The following NARS2 variants were observed in gnomAD, a reference collection of about 807,000 sequenced individuals.
NARS2 encodes asparaginyl-tRNA synthetase.
In NARS2, 60 loss-of-function variants were observed where a neutral mutation model predicts 62.9. That is an observed-to-expected ratio of 0.95 (90% CI 0.77 to 1.18). The LOEUF is 1.18. Among genes scored for constraint, NARS2 ranks in the 50% most tolerant of loss-of-function variants. The probability of loss-of-function intolerance (pLI) is 0.00; values close to 1 mark genes in which losing one functional copy is unlikely to be tolerated. For synonymous variants in NARS2, 196 were observed against 200.0 expected (o/e 0.98, Z 0.17); for missense variants, 619 against 576.4 (o/e 1.07, Z -0.76).
At chr11:78,473,674 T>C (rs1565221666) in intron 9 of NARS2, among the ~76,000 whole-genome samples, 1 of 152,260 alleles carries the variant, frequency 6.6e-6, no homozygotes, top group Non-Finnish European at 1.5e-5. Context: ...AAATTCTCAA[T>C]GAAGACTATT....
At chr11:78,522,272 T>C (rs1394125767) in intron 6 of NARS2, among the ~76,000 whole-genome samples, 4 of 152,138 alleles carry the variant, frequency 2.6e-5, no homozygotes, top group Non-Finnish European at 5.9e-5. Flanking sequence ...ATCTACTCTC[T>C]AATGATGATG....
intron 9 of NARS2, among the ~76,000 whole-genome samples, chr11:78,471,165 A>G (rs899647208): frequency 6.6e-6 from 1 of 152,196 alleles, no homozygotes; most frequent in Non-Finnish European, 1.5e-5. Flanking sequence ...TGGTGTTGGT[A>G]GTAGCAGTAA....
intron 2 of NARS2, among the ~76,000 whole-genome samples, chr11:78,570,216 A>G (rs904577499): frequency 7.9e-5 from 12 of 152,184 alleles, no homozygotes; most frequent in Non-Finnish European, 1.0e-4. Context: ...CTATTACATC[A>G]GAACAATTTT....
At chr11:78,542,362 C>T (rs1359515928) in intron 5 of NARS2, among the ~76,000 whole-genome samples, 3 of 152,162 alleles carry the variant, frequency 2.0e-5, no homozygotes, top group South Asian at 2.1e-4. Flanking sequence ...AGGAGATAAA[C>T]ACAAATGTAA....
chr11:78,510,679 G>A (rs1860688502), intron 6 of NARS2, among the ~76,000 whole-genome samples: 1 of 152,028 alleles, frequency 6.6e-6, no homozygotes. Context: ...AACTAAAACT[G>A]AATATATATT....
At chr11:78,495,541 A>C (rs1394662435) in intron 6 of NARS2, among the ~76,000 whole-genome samples, 1 of 152,178 alleles carries the variant, frequency 6.6e-6, no homozygotes. Flanking sequence ...CAGAACAGGA[A>C]TCATGTTTTA....
At chr11:78,505,623 T>A (rs1364441282) in intron 6 of NARS2, among the ~76,000 whole-genome samples, 1 of 152,156 alleles carries the variant, frequency 6.6e-6, no homozygotes, top group African/African-American at 2.4e-5. Flanking sequence ...CTACCTGAAG[T>A]CATATTGATT....
intron 5 of NARS2, among the ~76,000 whole-genome samples, chr11:78,534,034 G>T (rs749953535): frequency 4.6e-5 from 7 of 152,092 alleles, no homozygotes; most frequent in Non-Finnish European, 7.3e-5. Flanking sequence ...AACAGATACA[G>T]TTTATTTCTC....
At chr11:78,437,482 C>T (rs1365367847) in intron 13 of NARS2, among the ~76,000 whole-genome samples, 1 of 152,190 alleles carries the variant, frequency 6.6e-6, no homozygotes, top group Non-Finnish European at 1.5e-5. Context: ...ACATGCTAGA[C>T]AGCCTCTGAA....
rs1055223605 is a variant in NARS2 at position 78,436,599 on chromosome 11, A to G, written c.*71T>C. ...CTGCATTTCTAAAATCCAAACATGCATTCTGCTGTATGCACAATCATGTGC... is the reference window on the plus strand; with the variant it reads ...CTGCATTTCTAAAATCCAAACATGCGTTCTGCTGTATGCACAATCATGTGC... On this transcript the variant is annotated 3_prime_UTR_variant, in exon 14 of 14. Transcript: ENST00000281038. The G allele has an allele frequency of 3.2e-5, 48 of 1,485,156 alleles. No homozygotes were observed. The highest frequency in any genetic ancestry group is 3.5e-4 in the Middle Eastern group (2 of 5,648). 92.0% of individuals were successfully genotyped at this position (1,485,156 alleles called of 1,614,324 possible). A position where few individuals can be genotyped will look rare whatever the true frequency, so the allele number is the denominator to read the frequency against.
chr11:78,552,458 G>A (rs947175092), intron 5 of NARS2, among the ~76,000 whole-genome samples: 2 of 152,130 alleles, frequency 1.3e-5, no homozygotes, highest in African/African-American at 2.4e-5. Context: ...GAACATTCAC[G>A]TGCATGTGTC....
rs11437113 is a variant in NARS2, at chr11:78,494,469, C to CTTTT, written c.690-1278_690-1275dup. Among the ~76,000 whole-genome samples, 3 of 133,212 alleles carry CTTTT rather than the reference C, an allele frequency of 2.3e-5. No individual in the cohort carries two copies. The Admixed American group carries it at 2.3e-4, about 10-fold the overall frequency. 87.4% of individuals were successfully genotyped at this position (133,212 alleles called of 152,430 possible). On this transcript the variant is annotated intron_variant, in intron 6 of 13. Transcript: ENST00000281038. ...GTATATATATAAGTTTTTTCTTTTT[C>CTTTT]TTTTTTTTTTTTTTTTTAGTAAAGA...
rs747633734 is a variant in NARS2, at chr11:78,566,160, G to A, written c.485C>T (p.Ala162Val). Residue 162 changes from alanine (A) to valine (V), a missense_variant, in exon 4 of 14, where the codon GCG becomes GTG. By Grantham distance (64) the Ala-to-Val change is moderately conservative. Transcript: ENST00000281038. ...AAAGAAAGAATGAATAGCAGCTGTC[G>A]CTTCACTGCGAATCCTCAATATAGA... ...LGSILRIRSE[A>V]TAAIHSFFKD... 4.3e-6 allele frequency: 7 copies of A among 1,610,212 alleles called. No homozygotes were observed. Among genetic ancestry groups the A allele is most frequent in the East Asian group, 4.5e-5 (2 of 44,778 alleles).
At chr11:78,491,827 T>C (rs1450600873) in intron 7 of NARS2, among the ~76,000 whole-genome samples, 1 of 152,116 alleles carries the variant, frequency 6.6e-6, no homozygotes, top group Non-Finnish European at 1.5e-5. Context: ...CAAGACAGGG[T>C]AATAAAATAA....
chr11:78,457,444 G>C (rs1858206615), intron 11 of NARS2, among the ~76,000 whole-genome samples: 1 of 152,062 alleles, frequency 6.6e-6, no homozygotes. Flanking sequence ...CTGGCCCAAA[G>C]CTTCTTCCTT....
At chr11:78,539,082 T>C (rs1040685629) in intron 5 of NARS2, among the ~76,000 whole-genome samples, 2 of 145,284 alleles carry the variant, frequency 1.4e-5, no homozygotes, top group South Asian at 4.4e-4. Flanking sequence ...TAGATCATGA[T>C]AAGGAGTTTG....
intron 6 of NARS2, among the ~76,000 whole-genome samples, chr11:78,512,469 G>A (rs1006537501): frequency 4.6e-5 from 7 of 152,198 alleles, no homozygotes; most frequent in Non-Finnish European, 7.3e-5. Context: ...TGCCTGCACA[G>A]GAGTAAACAC....
At chr11:78,530,955 TAA>T (rs955439053) in intron 5 of NARS2, among the ~76,000 whole-genome samples, 7 of 152,184 alleles carry the variant, frequency 4.6e-5, no homozygotes, top group Admixed American at 3.3e-4. Flanking sequence ...ATATTACAAT[TAA>T]AGTATTATAC....
chr11:78,521,724 A>G (rs1861130967), intron 6 of NARS2, among the ~76,000 whole-genome samples: 1 of 136,272 alleles, frequency 7.3e-6, no homozygotes. Context: ...CGGGAGGCGG[A>G]GCTTGCAGTG....
Sources: gnomAD v4.1 joint callset for allele counts (sites outside exome capture counted in the v4.1 genomes callset) on GRCh38, gnomAD v4.1.1 for gene constraint, MANE v1.5 for transcripts, NCBI Gene and HGNC (gene_info 2026-07-23, HGNC 2026-07-21) for gene names.